DIP2B: variants seen among roughly 807,000 people sequenced by gnomAD.
DIP2B encodes the protein DIP2 acetate--CoA ligase B (putative), also known as disco-interacting protein 2 homolog B.
In DIP2B, 76 loss-of-function variants were observed where a neutral mutation model predicts 198.0. The ratio of observed to expected loss-of-function variants is 0.38; its 90% CI spans 0.32 to 0.46. The LOEUF is 0.46. DIP2B is among the 20% of genes least tolerant of loss of function. The pLI is 0.99. For missense variants in DIP2B, 1,559 were observed against 1,978.4 expected (o/e 0.79, Z 4.02); for synonymous variants, 701 against 739.1 (o/e 0.95, Z 0.84).
At chr12:50,567,856 T>A (rs1254670315) in intron 1 of DIP2B, among the ~76,000 whole-genome samples, 1 of 152,192 alleles carries the variant, frequency 6.6e-6, no homozygotes, top group African/African-American at 2.4e-5. Flanking sequence ...CTATTATCTG[T>A]TTAATTTCCG....
intron 34 of DIP2B, among the ~76,000 whole-genome samples, chr12:50,735,808 C>T (rs1004114137): frequency 6.6e-6 from 1 of 151,842 alleles, no homozygotes; most frequent in African/African-American, 2.4e-5. Context: ...TAGGAGAGGC[C>T]GAGATGGGAG....
chr12:50,664,881 C>G (rs1261685490), intron 4 of DIP2B, among the ~76,000 whole-genome samples: 2 of 111,766 alleles, frequency 1.8e-5, no homozygotes, highest in Non-Finnish European at 1.6e-5. Flanking sequence ...TTGACACAGT[C>G]TCTGTCACCC....
At chr12:50,603,465 A>T (rs904102980) in intron 1 of DIP2B, among the ~76,000 whole-genome samples, 4 of 151,894 alleles carry the variant, frequency 2.6e-5, no homozygotes, top group Non-Finnish European at 5.9e-5. Context: ...CTTGGCCAGT[A>T]CGGTGGCTCA....
chr12:50,694,610 A>G (rs895413605), intron 14 of DIP2B, among the ~76,000 whole-genome samples: 3 of 151,142 alleles, frequency 2.0e-5, no homozygotes, highest in African/African-American at 7.3e-5. Context: ...ACTTGAGTTC[A>G]GGAATTGGAG....
intron 1 of DIP2B, among the ~76,000 whole-genome samples, chr12:50,587,554 A>G (rs990196815): frequency 6.6e-6 from 1 of 152,204 alleles, no homozygotes; most frequent in Non-Finnish European, 1.5e-5. Flanking sequence ...AGGTGTATAG[A>G]AATGCCTAAG....
At chr12:50,647,688 G>C (rs1434220900) in intron 3 of DIP2B, among the ~76,000 whole-genome samples, 2 of 152,132 alleles carry the variant, frequency 1.3e-5, no homozygotes, top group African/African-American at 4.8e-5. Context: ...CAGTCACTCT[G>C]TCCCTATCTG....
In DIP2B at chr12:50,690,378, A is replaced by G. The variant is rs576568435; in HGVS notation, c.1552-671A>G. ...TGGGATTACAGGCGTGAGCCACCGC[A>G]CCCAGCCAAAATTTTTTTAAAGTTG... On this transcript the variant is annotated intron_variant, in intron 12 of 37. Transcript: ENST00000301180. 2.9e-4 allele frequency among the ~76,000 whole-genome samples: 44 copies of G among 152,090 alleles called. 1 individual carries two copies. Among genetic ancestry groups the G allele is most frequent in the Middle Eastern group, 6.8e-3 (2 of 294 alleles).
chr12:50,716,494 C>T (rs1939718784), intron 23 of DIP2B, among the ~76,000 whole-genome samples: 1 of 152,122 alleles, frequency 6.6e-6, no homozygotes. Context: ...TGCCACTGCA[C>T]TCCAGCCTGG....
chr12:50,594,264 G>A lies in DIP2B; in HGVS notation c.101-31712G>A, dbSNP rs574984136. Among the ~76,000 whole-genome samples, 3 of 152,006 alleles carry A rather than the reference G, an allele frequency of 2.0e-5. No individual in the cohort carries two copies. In the East Asian group the frequency reaches 5.8e-4, roughly 30 times the overall value. ...CAGCCTCCTTTGTTTCTTTTTAAAT[G>A]TGAGGTATCAAAGCCCAACCAACCC... On this transcript the variant is annotated intron_variant, in intron 1 of 37. Transcript: ENST00000301180.
chr12:50,565,321 T>A (rs1276641664), intron 1 of DIP2B, among the ~76,000 whole-genome samples: 1 of 151,176 alleles, frequency 6.6e-6, no homozygotes, highest in Non-Finnish European at 1.5e-5. Flanking sequence ...TTTTTTGAGA[T>A]GGGTCACTCT....
At chr12:50,624,448 T>C (rs566825604) in intron 1 of DIP2B, among the ~76,000 whole-genome samples, 9 of 152,290 alleles carry the variant, frequency 5.9e-5, no homozygotes, top group African/African-American at 2.2e-4. Context: ...TTCTCCTGCC[T>C]CAGTCTCCTG....
chr12:50,512,309 C>G (rs1185869177), intron 1 of DIP2B, among the ~76,000 whole-genome samples: 2 of 151,708 alleles, frequency 1.3e-5, no homozygotes, highest in African/African-American at 4.8e-5. Flanking sequence ...GTTTCACTAT[C>G]TTGGCCAGGC....
chr12:50,636,696 A>G (rs1332630789), intron 2 of DIP2B, among the ~76,000 whole-genome samples: 2 of 152,192 alleles, frequency 1.3e-5, no homozygotes, highest in African/African-American at 2.4e-5. Context: ...TGTTCCCTGC[A>G]TCGGCTACTC....
intron 2 of DIP2B, among the ~76,000 whole-genome samples, chr12:50,629,649 A>G (rs1000167937): frequency 4.6e-5 from 7 of 152,160 alleles, no homozygotes; most frequent in Non-Finnish European, 7.3e-5. Flanking sequence ...CTCCACTTAT[A>G]TACCTTAAAG....
intron 1 of DIP2B, among the ~76,000 whole-genome samples, chr12:50,511,639 TA>T (rs1420595452): frequency 2.6e-5 from 4 of 151,132 alleles, no homozygotes; most frequent in South Asian, 2.1e-4. Flanking sequence ...TTTTATCTCT[TA>T]AAAAAATTTT....
intron 1 of DIP2B, among the ~76,000 whole-genome samples, chr12:50,577,286 C>G (rs1958670746): frequency 1.3e-5 from 2 of 152,094 alleles, no homozygotes; most frequent in African/African-American, 4.8e-5. Context: ...AATCTCAGCA[C>G]TTTGGGAGGC....
chr12:50,694,533 A>C (rs553075323), intron 14 of DIP2B, among the ~76,000 whole-genome samples: 1 of 84,294 alleles, frequency 1.2e-5, no homozygotes, highest in African/African-American at 3.6e-5. Context: ...ACATACATAC[A>C]TACATACATA....
chr12:50,513,806 G>A (rs1185281054), intron 1 of DIP2B, among the ~76,000 whole-genome samples: 1 of 151,504 alleles, frequency 6.6e-6, no homozygotes, highest in African/African-American at 2.4e-5. Flanking sequence ...CCTGGGAGGC[G>A]GAGGTTGCAG....
At chr12:50,577,441 G>A (rs1359221281) in intron 1 of DIP2B, among the ~76,000 whole-genome samples, 1 of 152,132 alleles carries the variant, frequency 6.6e-6, no homozygotes. Flanking sequence ...AGCTGAGGCA[G>A]GAGAATGGTG....
Sources: allele counts gnomAD v4.1 joint callset (sites outside exome capture counted in the v4.1 genomes callset), GRCh38; gene constraint gnomAD v4.1.1; transcripts MANE v1.5; gene names NCBI Gene and HGNC (gene_info 2026-07-23, HGNC 2026-07-21).